Variants in ZNF407 observed in about 807,000 individuals in gnomAD.
The protein encoded by ZNF407 is zinc finger protein 407.
ZNF407 carries 17 observed loss-of-function variants against 131.2 expected under a neutral mutation model. The ratio of observed to expected loss-of-function variants is 0.13; its 90% confidence interval spans 0.09 to 0.19. The LOEUF (loss-of-function observed/expected upper bound fraction) is 0.19. Ranked by LOEUF, ZNF407 falls within the 10% of genes least tolerant of loss-of-function variation. The pLI is 1.00. For synonymous variants in ZNF407, 1,156 were observed against 1,062.0 expected (o/e 1.09, Z -1.72); for missense variants, 2,681 against 2,830.6 (o/e 0.95, Z 1.20).
intron 8 of ZNF407, among the ~76,000 whole-genome samples, chr18:74,939,366 T>C (rs1972072703): frequency 6.6e-6 from 1 of 152,216 alleles, no homozygotes; most frequent in Non-Finnish European, 1.5e-5. Context: ...AAACATGAGA[T>C]AACAAATTTT....
At chr18:74,764,104 T>C (rs935863619) in intron 3 of ZNF407, among the ~76,000 whole-genome samples, 1 of 152,142 alleles carries the variant, frequency 6.6e-6, no homozygotes, top group Non-Finnish European at 1.5e-5. Flanking sequence ...TTTGCTTTGT[T>C]TGCAATTCGT....
chr18:74,737,599 T>C (rs1968447805), intron 3 of ZNF407, among the ~76,000 whole-genome samples: 1 of 152,216 alleles, frequency 6.6e-6, no homozygotes, highest in Admixed American at 6.5e-5. Flanking sequence ...GTGTGTGCAG[T>C]GCATGTGTGT....
chr18:74,632,237 C>T lies in ZNF407; in HGVS notation c.1218C>T (p.His406=), dbSNP rs370581948. The change falls in exon 2 of 9, where the codon CAC becomes CAT. Residue 406 remains histidine (H), a synonymous_variant. Transcript: ENST00000299687. ...CAAAAAATACCCTTCAGGCAGCACACGGTAACAGTGTAACCTCGAGGCCAA... is the reference window on the plus strand; with the variant it reads ...CAAAAAATACCCTTCAGGCAGCACATGGTAACAGTGTAACCTCGAGGCCAA... The part of the protein sequence containing the change: ...ESTKNTLQAA[H]GNSVTSRPRP... 345 of 1,613,942 alleles carry T rather than the reference C, an allele frequency of 2.1e-4. 2 individuals are homozygous for T. The South Asian group carries it at 3.2e-3, about 15-fold the overall frequency.
At chr18:74,756,678 C>G (rs1968971015) in intron 3 of ZNF407, among the ~76,000 whole-genome samples, 1 of 152,066 alleles carries the variant, frequency 6.6e-6, no homozygotes. Flanking sequence ...GAATAGTTTG[C>G]TATTTTAAAT....
intron 4 of ZNF407, among the ~76,000 whole-genome samples, chr18:74,794,809 G>A (rs959154043): frequency 1.3e-5 from 2 of 152,116 alleles, no homozygotes; most frequent in African/African-American, 2.4e-5. Flanking sequence ...TGGTAGAGTT[G>A]CATACGATGC....
chr18:74,999,367 A>AC (rs1256525529), intron 8 of ZNF407, among the ~76,000 whole-genome samples: 3 of 150,064 alleles, frequency 2.0e-5, no homozygotes, highest in African/African-American at 7.4e-5. Context: ...AAAAAAAAAA[A>AC]AAAAAAAACA....
At chr18:74,876,215 C>T (rs1971154002) in intron 4 of ZNF407, among the ~76,000 whole-genome samples, 1 of 152,180 alleles carries the variant, frequency 6.6e-6, no homozygotes, top group Non-Finnish European at 1.5e-5. Context: ...TTATGATAGC[C>T]AACCCAGCTT....
In ZNF407 at chr18:74,634,963, A is replaced by C; in HGVS notation, c.3944A>C (p.Glu1315Ala). ...GAAATTCTGATGAATTCACAACATG[A>C]AACAGAATTTATTTTGGAGGAGGAT... The part of the protein sequence containing the change: ...NKEILMNSQH[E>A]TEFILEEDGP... Residue 1315 changes from glutamate (E) to alanine (A), a missense_variant, in exon 2 of 9, where the codon GAA (glutamate) becomes GCA (alanine). Around this residue, in one of 6 missense-constraint regions of ZNF407, gnomAD observed 1,789 missense variants for 1,748.7 expected, o/e 1.02. Transcript: ENST00000299687. 1 of 1,614,038 alleles carries C rather than the reference A, an allele frequency of 6.2e-7. No individual in the cohort carries two copies. Among genetic ancestry groups the C allele is most frequent in the Non-Finnish European group, 8.5e-7 (1 of 1,179,910 alleles).
In ZNF407 at chr18:75,063,807, C is replaced by A; in HGVS notation, c.6086C>A (p.Ser2029Tyr). The change falls in exon 9 of 9, where the codon TCC (serine) becomes TAC (tyrosine). Residue 2029 changes from serine (S) to tyrosine (Y), a missense_variant. By Grantham distance (144) the Ser-to-Tyr change is moderately radical. This residue lies in a region of ZNF407 where 620 missense variants were observed against 583.1 expected (regional missense o/e 1.06). Coordinates refer to ENST00000299687, the MANE Select transcript of ZNF407 (RefSeq NM_017757.3). The surrounding 1 kb of genome is among the most constrained non-coding windows in gnomAD (Gnocchi z 6.6). Reference sequence around the variant, plus strand: ...ATCCAGCTGCCCGGGCAGGAGGTCTCCCATGTGGCTGCCGACCCCGAGGCC... The same window carrying A: ...ATCCAGCTGCCCGGGCAGGAGGTCTACCATGTGGCTGCCGACCCCGAGGCC... The part of the protein sequence containing the change: ...VLIQLPGQEV[S>Y]HVAADPEAPE... The A allele has an allele frequency of 1.9e-6, 3 of 1,608,366 alleles. No individual in the cohort carries two copies. Among genetic ancestry groups the A allele is most frequent in the Middle Eastern group, 1.7e-4 (1 of 6,056 alleles).
Position 74,894,811 on chromosome 18 carries a change from C to T in ZNF407, c.5249+4773C>T, listed in dbSNP as rs1390277428. On this transcript the variant is annotated intron_variant, in intron 7 of 8. Transcript: ENST00000299687. ...CAGAAAACTGAAATGGCAAGCCAGA[C>T]TCTGACAGTTTTATCATCTGCATAT... Among the ~76,000 whole-genome samples, 6 of 152,246 alleles carry T rather than the reference C, an allele frequency of 3.9e-5. No homozygotes were observed. The East Asian group carries it at 7.7e-4, about 20-fold the overall frequency.
At chr18:74,618,083 A>G (rs937247118) in intron 1 of ZNF407, among the ~76,000 whole-genome samples, 5 of 152,166 alleles carry the variant, frequency 3.3e-5, no homozygotes, top group Admixed American at 6.5e-5. Context: ...CCTACTTGTA[A>G]TGGTTTAATG....
intron 4 of ZNF407, among the ~76,000 whole-genome samples, chr18:74,787,938 T>C (rs1969751604): frequency 6.6e-6 from 1 of 152,204 alleles, no homozygotes; most frequent in Admixed American, 6.5e-5. Context: ...CTTTTAAGAC[T>C]CAGAAGAATT....
intron 3 of ZNF407, among the ~76,000 whole-genome samples, chr18:74,741,068 G>A (rs1274842819): frequency 6.6e-6 from 1 of 152,170 alleles, no homozygotes; most frequent in Admixed American, 6.5e-5. Flanking sequence ...ATTATTGATG[G>A]TCAAGTGATG....
intron 4 of ZNF407, among the ~76,000 whole-genome samples, chr18:74,786,992 A>C (rs1245792387): frequency 6.6e-6 from 1 of 151,480 alleles, no homozygotes; most frequent in Non-Finnish European, 1.5e-5. Flanking sequence ...TTTTTAGTAG[A>C]GACGGGGTTT....
At chr18:74,976,053 A>G (rs1272213794) in intron 8 of ZNF407, among the ~76,000 whole-genome samples, 1 of 152,198 alleles carries the variant, frequency 6.6e-6, no homozygotes, top group Non-Finnish European at 1.5e-5. Flanking sequence ...TCTGGTCGTA[A>G]TATTTTCAGT....
At chr18:74,926,575 A>C (rs1971916882) in intron 8 of ZNF407, among the ~76,000 whole-genome samples, 1 of 152,184 alleles carries the variant, frequency 6.6e-6, no homozygotes, top group Non-Finnish European at 1.5e-5. Flanking sequence ...TGGCCAAGGC[A>C]AGCAATCACC....
intron 1 of ZNF407, among the ~76,000 whole-genome samples, chr18:74,605,270 G>A (rs1982756305): frequency 6.6e-6 from 1 of 152,210 alleles, no homozygotes; most frequent in African/African-American, 2.4e-5. Context: ...TATAAGGACT[G>A]GGAAGCATGG....
chr18:75,017,706 T>G (rs2122195601), intron 8 of ZNF407, among the ~76,000 whole-genome samples: 1 of 152,308 alleles, frequency 6.6e-6, no homozygotes, highest in South Asian at 2.1e-4. Context: ...CACCATGTGT[T>G]GTGGTCCAAG....
At chr18:74,884,978 T>C (rs1198405704) in intron 6 of ZNF407, among the ~76,000 whole-genome samples, 1 of 152,012 alleles carries the variant, frequency 6.6e-6, no homozygotes, top group Non-Finnish European at 1.5e-5. Flanking sequence ...ATAAAGAAAA[T>C]AGCAGTGAGT....
Sources: allele counts gnomAD v4.1 joint callset (sites outside exome capture counted in the v4.1 genomes callset), GRCh38; gene constraint gnomAD v4.1.1; regional missense constraint gnomAD v4.1.1; non-coding constraint Gnocchi (gnomAD v3.1); transcripts MANE v1.5; gene names NCBI Gene and HGNC (gene_info 2026-07-23, HGNC 2026-07-21).